Variants in TNFRSF19 observed in about 807,000 individuals in gnomAD.
TNFRSF19 encodes the protein tumor necrosis factor receptor superfamily member 19.
TNFRSF19 carries 27 observed loss-of-function variants against 46.4 expected under a neutral mutation model. The observed-to-expected ratio is 0.58, with a 90% confidence interval of 0.43 to 0.80. TNFRSF19 has a LOEUF of 0.80. Ranked by LOEUF, TNFRSF19 falls within the 30% of genes least tolerant of loss-of-function variation. TNFRSF19 has a pLI of 0.00. For synonymous variants in TNFRSF19, 204 were observed against 205.0 expected, an observed-to-expected ratio of 1.00 and a Z score of 0.04; for missense variants, 511 against 530.8, an observed-to-expected ratio of 0.96 and a Z score of 0.37.
chr13:23,651,164 A>G (rs1468466048), intron 5 of TNFRSF19, among the ~76,000 whole-genome samples: 1 of 152,148 alleles, frequency 6.6e-6, no homozygotes, highest in African/African-American at 2.4e-5. Flanking sequence ...ATCAGGTTTT[A>G]ATTTTGTTAA....
chr13:23,609,654 GT>G (rs1390593713), intron 3 of TNFRSF19, among the ~76,000 whole-genome samples: 1 of 152,180 alleles, frequency 6.6e-6, no homozygotes, highest in African/African-American at 2.4e-5. Flanking sequence ...TTTAGTTAAT[GT>G]GAAAAAATTA....
At chr13:23,571,096 G>A (rs1877607982) in intron 1 of TNFRSF19, among the ~76,000 whole-genome samples, 1 of 152,166 alleles carries the variant, frequency 6.6e-6, no homozygotes, top group African/African-American at 2.4e-5. Context: ...ACTTGGAAAT[G>A]AGTTGTACAA....
intron 2 of TNFRSF19, among the ~76,000 whole-genome samples, chr13:23,590,531 C>T (rs539753957): frequency 6.6e-6 from 1 of 152,228 alleles, no homozygotes; most frequent in African/African-American, 2.4e-5. Context: ...GATGGGGTTT[C>T]ACCATGTTGT....
In TNFRSF19 at chr13:23,675,703, G is replaced by A. The variant is rs1411350534; in HGVS notation, c.*2323G>A. ...GCTGCTAGAGTGCCGATGTCAGGAG[G>A]GCTGTGTCGGGTAATGCGTGTGGCT... On this transcript the variant is annotated 3_prime_UTR_variant, in exon 10 of 10. Transcript: ENST00000248484. 1 of 152,194 alleles carries A rather than the reference G, an allele frequency of 6.6e-6. No homozygotes were observed. Among genetic ancestry groups the A allele is most frequent in the Non-Finnish European group, 1.5e-5 (1 of 68,036 alleles). 9.4% of individuals were successfully genotyped at this position (152,194 alleles called of 1,614,324 possible).
At chr13:23,602,065 A>G (rs987541889) in intron 3 of TNFRSF19, among the ~76,000 whole-genome samples, 2 of 152,156 alleles carry the variant, frequency 1.3e-5, no homozygotes, top group African/African-American at 2.4e-5. Flanking sequence ...TGATGTACCA[A>G]TTTATAAACA....
At chr13:23,586,913 C>A (rs1261187535) in intron 1 of TNFRSF19, among the ~76,000 whole-genome samples, 1 of 152,068 alleles carries the variant, frequency 6.6e-6, no homozygotes, top group Admixed American at 6.5e-5. Flanking sequence ...CATCATTAGT[C>A]TTCTCCCTAG....
chr13:23,663,147 GT>G (rs1864119034), intron 7 of TNFRSF19, among the ~76,000 whole-genome samples: 1 of 152,204 alleles, frequency 6.6e-6, no homozygotes, highest in South Asian at 2.1e-4. Context: ...GATGTTGGCT[GT>G]GGGTTTGTCA....
Position 23,626,694 on chromosome 13 carries a change from C to A in TNFRSF19, c.360-13C>A, listed in dbSNP as rs1164797974. The A allele has an allele frequency of 4.3e-6, 7 of 1,613,530 alleles. No individual in the cohort carries two copies. The highest frequency in any genetic ancestry group is 5.1e-6 in the Non-Finnish European group (6 of 1,179,634). On this transcript the variant is annotated splice_polypyrimidine_tract_variant and intron_variant, in intron 4 of 9. Transcript: ENST00000248484. ...GAAAGAGTTAACAAGGAGTATTTTC[C>A]TTTCTCTTCTAGATTTTATAGGAAG...
intron 3 of TNFRSF19, among the ~76,000 whole-genome samples, chr13:23,602,636 A>G (rs755668528): frequency 2.0e-5 from 3 of 152,156 alleles, no homozygotes; most frequent in Non-Finnish European, 4.4e-5. Flanking sequence ...TAACAAAGGT[A>G]AAAGCATAGA....
At chr13:23,578,832 G>T (rs1271221399) in intron 1 of TNFRSF19, among the ~76,000 whole-genome samples, 9 of 152,224 alleles carry the variant, frequency 5.9e-5, no homozygotes, top group African/African-American at 1.7e-4. Context: ...GCGAGGGTGC[G>T]GCCGTCTCGG....
chr13:23,657,120 G>A (rs1013264157), intron 5 of TNFRSF19, among the ~76,000 whole-genome samples: 14 of 152,134 alleles, frequency 9.2e-5, no homozygotes, highest in Admixed American at 9.2e-4. Context: ...TGGATTATGA[G>A]CCTTATTCAT....
At chr13:23,661,944 C>G (rs1884393271) in intron 7 of TNFRSF19, among the ~76,000 whole-genome samples, 1 of 152,136 alleles carries the variant, frequency 6.6e-6, no homozygotes, top group African/African-American at 2.4e-5. Context: ...AGACCTTTAT[C>G]AGATGCATAG....
intron 3 of TNFRSF19, among the ~76,000 whole-genome samples, chr13:23,606,319 T>C (rs1182056656): frequency 6.6e-6 from 1 of 151,544 alleles, no homozygotes; most frequent in Non-Finnish European, 1.5e-5. Flanking sequence ...ATGTACTTAT[T>C]TCATTTGTTC....
At chr13:23,636,481 T>C (rs1882689756) in intron 5 of TNFRSF19, among the ~76,000 whole-genome samples, 1 of 152,196 alleles carries the variant, frequency 6.6e-6, no homozygotes, top group Admixed American at 6.5e-5. Flanking sequence ...ACAGCTATCT[T>C]GAATGCTAAG....
At chr13:23,614,757 A>ATATATATATATATATATG (rs1491031074) in intron 3 of TNFRSF19, among the ~76,000 whole-genome samples, 5 of 93,342 alleles carry the variant, frequency 5.4e-5, no homozygotes, top group Admixed American at 9.9e-5. Context: ...ATATATATAT[A>ATATATATATATATATATG]TATATATATA....
intron 7 of TNFRSF19, among the ~76,000 whole-genome samples, chr13:23,666,145 C>T (rs1220591503): frequency 6.6e-6 from 1 of 152,138 alleles, no homozygotes; most frequent in Non-Finnish European, 1.5e-5. Flanking sequence ...TAACCTTGGT[C>T]ACTTCGTTAA....
intron 3 of TNFRSF19, among the ~76,000 whole-genome samples, chr13:23,609,825 A>G (rs1880774856): frequency 6.6e-6 from 1 of 152,224 alleles, no homozygotes; most frequent in Non-Finnish European, 1.5e-5. Flanking sequence ...TCTGCCATTT[A>G]ATGACAGTGT....
intron 4 of TNFRSF19, among the ~76,000 whole-genome samples, chr13:23,621,483 C>A (rs1881649858): frequency 1.3e-5 from 2 of 152,178 alleles, no homozygotes; most frequent in African/African-American, 4.8e-5. Flanking sequence ...GACTGTGACT[C>A]ACAGGGCATA....
intron 3 of TNFRSF19, among the ~76,000 whole-genome samples, chr13:23,601,652 TTGAG>T (rs1236344984): frequency 1.4e-5 from 2 of 146,230 alleles, no homozygotes; most frequent in African/African-American, 2.5e-5. Flanking sequence ...ATGTATTTGA[TTGAG>T]TATGCTTGTG....
Sources: allele counts gnomAD v4.1 joint callset (sites outside exome capture counted in the v4.1 genomes callset), GRCh38; gene constraint gnomAD v4.1.1; transcripts MANE v1.5; gene names NCBI Gene and HGNC (gene_info 2026-07-23, HGNC 2026-07-21).